The following STX17 variants were observed in gnomAD, a reference collection of about 807,000 sequenced individuals.
The protein encoded by STX17 is syntaxin-17.
In STX17, 29 loss-of-function variants were observed where a neutral mutation model predicts 35.9. The observed-to-expected ratio is 0.81, with a 90% CI of 0.60 to 1.10. The LOEUF (loss-of-function observed/expected upper bound fraction) is 1.10. STX17 is among the 50% of genes least tolerant of loss of function. The probability of loss-of-function intolerance (pLI) is 0.00; values close to 1 mark genes in which losing one functional copy is unlikely to be tolerated. For missense variants in STX17, 312 were observed against 352.3 expected (o/e 0.89, Z 0.92); for synonymous variants, 92 against 118.3 (o/e 0.78, Z 1.44).
chr9:99,925,712 A>G (rs556074643), intron 2 of STX17, among the ~76,000 whole-genome samples: 1 of 152,174 alleles, frequency 6.6e-6, no homozygotes, highest in East Asian at 1.9e-4. Flanking sequence ...TCTCACAAGA[A>G]GTCTTCTGTC....
chr9:99,967,015 A>G (rs780674193), intron 6 of STX17, among the ~76,000 whole-genome samples: 6 of 152,244 alleles, frequency 3.9e-5, no homozygotes, highest in Non-Finnish European at 8.8e-5. Flanking sequence ...TTATTAATAT[A>G]TTTGATCTGA....
intron 1 of STX17, among the ~76,000 whole-genome samples, chr9:99,910,873 CT>C (rs1052483643): frequency 2.7e-4 from 41 of 152,216 alleles, no homozygotes; most frequent in African/African-American, 9.6e-4. Flanking sequence ...AGGAGATCAA[CT>C]TTTTTCCCCC....
At chr9:99,915,668 C>T (rs1370446094) in intron 2 of STX17, among the ~76,000 whole-genome samples, 2 of 152,126 alleles carry the variant, frequency 1.3e-5, no homozygotes, top group Non-Finnish European at 2.9e-5. Flanking sequence ...TCATAGCCTA[C>T]TGCAACCTCA....
intron 4 of STX17, among the ~76,000 whole-genome samples, chr9:99,953,400 A>G (rs1829644842): frequency 6.6e-6 from 1 of 152,134 alleles, no homozygotes; most frequent in Admixed American, 6.6e-5. Context: ...GATAACCAGT[A>G]CTGTAAATGT....
At chr9:99,910,963 C>T (rs951141491) in intron 1 of STX17, among the ~76,000 whole-genome samples, 4 of 152,034 alleles carry the variant, frequency 2.6e-5, no homozygotes, top group Non-Finnish European at 4.4e-5. Flanking sequence ...CCTCCTACCT[C>T]GGCTTCCTGA....
intron 7 of STX17, among the ~76,000 whole-genome samples, chr9:99,968,060 T>C (rs752291403): frequency 1.3e-5 from 2 of 152,196 alleles, no homozygotes; most frequent in African/African-American, 2.4e-5. Context: ...CTATTTTCCA[T>C]AGGATGTTGC....
At chr9:99,914,428 C>G (rs1187470450) in intron 1 of STX17, among the ~76,000 whole-genome samples, 1 of 152,172 alleles carries the variant, frequency 6.6e-6, no homozygotes, top group Non-Finnish European at 1.5e-5. Flanking sequence ...CCTCTAGCCC[C>G]TACGCTTGTA....
intron 2 of STX17, among the ~76,000 whole-genome samples, chr9:99,926,632 G>A (rs903448358): frequency 6.6e-6 from 1 of 151,894 alleles, no homozygotes; most frequent in Non-Finnish European, 1.5e-5. Context: ...TGAGTAGCTG[G>A]GACTACAGGT....
rs149320792 is a variant in STX17 at position 99,940,925 on chromosome 9, A to G, written c.190-10135A>G. Among the ~76,000 whole-genome samples, 484 of 152,296 alleles carry G rather than the reference A, an allele frequency of 3.2e-3. 1 individual carries two copies. Among genetic ancestry groups the G allele is most frequent in the Middle Eastern group, 0.024 (7 of 294 alleles). The stretch of plus-strand genomic sequence containing the variant: ...AATCTCTAATCCTAGTGTTCCTTCT[A>G]ACTCTTGTGAACTAAACTGCAAGAT... On this transcript the variant is annotated intron_variant, in intron 3 of 7. Transcript: ENST00000259400.
Position 99,968,886 on chromosome 9 carries a change from T to C in STX17, c.*213T>C. On this transcript the variant is annotated 3_prime_UTR_variant, in exon 8 of 8. Transcript: ENST00000259400. Reference sequence around the variant, plus strand: ...ATTGAGGCCCTGGGCTGAGGGTATATAATGTATGTCAGGTAAAGTTTGAAG... The same window carrying C: ...ATTGAGGCCCTGGGCTGAGGGTATACAATGTATGTCAGGTAAAGTTTGAAG... 1.8e-6 allele frequency: 1 copy of C among 558,252 alleles called. No individual in the cohort carries two copies. The highest frequency in any genetic ancestry group is 3.9e-5 in the South Asian group (1 of 25,350). The allele number at this position is 558,252 out of a possible 1,614,324, so 34.6% of individuals were successfully genotyped here. A position where few individuals can be genotyped will look rare whatever the true frequency, so the allele number is the denominator to read the frequency against.
intron 3 of STX17, among the ~76,000 whole-genome samples, chr9:99,944,765 C>T (rs1564068677): frequency 6.6e-6 from 1 of 152,148 alleles, no homozygotes; most frequent in Non-Finnish European, 1.5e-5. Context: ...ATCCACCCTC[C>T]TCAGCCTCCC....
chr9:99,936,942 A>G (rs1829249266), intron 3 of STX17, among the ~76,000 whole-genome samples: 1 of 151,904 alleles, frequency 6.6e-6, no homozygotes, highest in African/African-American at 2.4e-5. Flanking sequence ...TTCCTTTAAC[A>G]TTTCTGGGAG....
rs1830069475 is a variant in STX17 at position 99,974,513 on chromosome 9, A to G, written c.*5840A>G. On this transcript the variant is annotated 3_prime_UTR_variant, in exon 8 of 8. Coordinates refer to ENST00000259400, the MANE Select transcript of STX17 (RefSeq NM_017919.3). ...TGGTGCTTGAATAAGGAAACATGCA[A>G]TAAATTTACTTATTTAACCAACATT... is the stretch of plus-strand genomic sequence containing the variant. Among the ~76,000 whole-genome samples, 1 of 152,222 alleles carries G rather than the reference A, an allele frequency of 6.6e-6. No homozygotes were observed. Among genetic ancestry groups the G allele is most frequent in the African/African-American group, 2.4e-5 (1 of 41,452 alleles).
At chr9:99,946,553 C>CT (rs1336840752) in intron 3 of STX17, among the ~76,000 whole-genome samples, 1 of 152,136 alleles carries the variant, frequency 6.6e-6, no homozygotes, top group Non-Finnish European at 1.5e-5. Context: ...GATTTACCCA[C>CT]TTTTTAGCAT....
At chr9:99,925,423 A>T (rs1327261973) in intron 2 of STX17, among the ~76,000 whole-genome samples, 1 of 152,148 alleles carries the variant, frequency 6.6e-6, no homozygotes, top group Non-Finnish European at 1.5e-5. Context: ...TTACATATGT[A>T]TCCGTATGTG....
chr9:99,954,312 T>C (rs1261381049), intron 4 of STX17, among the ~76,000 whole-genome samples: 1 of 152,026 alleles, frequency 6.6e-6, no homozygotes. Flanking sequence ...AGTCTGCTTG[T>C]CATAGTGTGC....
At chr9:99,911,581 A>G (rs1828665799) in intron 1 of STX17, among the ~76,000 whole-genome samples, 1 of 151,920 alleles carries the variant, frequency 6.6e-6, no homozygotes, top group Non-Finnish European at 1.5e-5. Context: ...AAGCCTCTGT[A>G]CAGTTTTTCT....
chr9:99,963,979 G>A (rs1411156259), intron 6 of STX17, among the ~76,000 whole-genome samples: 2 of 152,062 alleles, frequency 1.3e-5, no homozygotes, highest in Non-Finnish European at 2.9e-5. Context: ...CTTGAAGGCT[G>A]GCTGGAATTT....
At chr9:99,960,271 A>AT in intron 6 of STX17, 116 bp downstream of exon 6, 18 of 1,043,282 alleles carry the variant, frequency 1.7e-5, no homozygotes, top group Non-Finnish European at 2.5e-5. Flanking sequence ...TAAGACTGGT[A>AT]TTAAGCCATA....
Sources: allele counts gnomAD v4.1 joint callset (sites outside exome capture counted in the v4.1 genomes callset), GRCh38; gene constraint gnomAD v4.1.1; transcripts MANE v1.5; gene names NCBI Gene and HGNC (gene_info 2026-07-23, HGNC 2026-07-21).